The following LHFPL3 variants were observed in gnomAD, a reference collection of about 807,000 sequenced individuals.
LHFPL3 encodes LHFPL tetraspan subfamily member 3.
Under a neutral mutation model 19.3 loss-of-function variants are expected in LHFPL3, and 5 were observed. The ratio of observed to expected loss-of-function variants is 0.26; its 90% CI spans 0.14 to 0.54. The LOEUF (loss-of-function observed/expected upper bound fraction) is 0.54. LHFPL3 is among the 20% of genes least tolerant of loss of function. The probability of loss-of-function intolerance (pLI) is 0.94; values close to 1 mark genes in which losing one functional copy is unlikely to be tolerated. For missense variants in LHFPL3, 249 were observed against 307.4 expected, an observed-to-expected ratio of 0.81 and a Z score of 1.42; for synonymous variants, 133 against 126.2, an observed-to-expected ratio of 1.05 and a Z score of -0.36.
chr7:104,527,322 C>A (rs994219594), intron 1 of LHFPL3, among the ~76,000 whole-genome samples: 1 of 151,992 alleles, frequency 6.6e-6, no homozygotes, highest in Non-Finnish European at 1.5e-5. Context: ...TCTATAAGAT[C>A]GCCCAGGTTT....
intron 1 of LHFPL3, among the ~76,000 whole-genome samples, chr7:104,420,527 G>A (rs1463715517): frequency 6.6e-6 from 1 of 151,246 alleles, no homozygotes; most frequent in Non-Finnish European, 1.5e-5. Flanking sequence ...AGCTGTACGT[G>A]GTTACTGGTG....
chr7:104,763,191 C>T (rs1022413318), intron 2 of LHFPL3, among the ~76,000 whole-genome samples: 12 of 152,164 alleles, frequency 7.9e-5, no homozygotes, highest in Non-Finnish European at 1.5e-4. Context: ...GCACAAAAAT[C>T]GTGGAAAGAG....
At chr7:104,669,175 C>T (rs1186661238) in intron 1 of LHFPL3, 1 of 1,613,826 alleles carries the variant, frequency 6.2e-7, no homozygotes, top group Middle Eastern at 1.7e-4. Flanking sequence ...AGCCCCTCCA[C>T]CAAAGGAGAA....
rs921852071 is a variant in LHFPL3 at position 104,565,778 on chromosome 7, A to C, written c.446-170897A>C. 6.7e-5 allele frequency among the ~76,000 whole-genome samples: 10 copies of C among 149,076 alleles called. No homozygotes were observed. In the South Asian group the frequency reaches 2.1e-3, roughly 31 times the overall value. ...ATCTATCTATCTATCTATCTAATCT[A>C]TCTATCTGTCTAATCTATCTATCAT... On this transcript the variant is annotated intron_variant, in intron 1 of 2. Transcript: ENST00000424859.
chr7:104,787,716 A>G (rs1214146163), intron 2 of LHFPL3, among the ~76,000 whole-genome samples: 1 of 152,136 alleles, frequency 6.6e-6, no homozygotes, highest in East Asian at 1.9e-4. Flanking sequence ...ATACCTGGCT[A>G]TTTTTGTGTG....
At chr7:104,905,951 C>T (rs1287253643) in intron 2 of LHFPL3, among the ~76,000 whole-genome samples, 1 of 152,176 alleles carries the variant, frequency 6.6e-6, no homozygotes, top group Non-Finnish European at 1.5e-5. Flanking sequence ...AATCTTGACC[C>T]AGATGGAGGG....
intron 1 of LHFPL3, among the ~76,000 whole-genome samples, chr7:104,357,267 C>T (rs1049604787): frequency 6.6e-6 from 1 of 152,168 alleles, no homozygotes; most frequent in Non-Finnish European, 1.5e-5. Context: ...AGATTATTCT[C>T]AGAGCTAGAG....
At chr7:104,587,094 G>C (rs1190281361) in intron 1 of LHFPL3, among the ~76,000 whole-genome samples, 1 of 151,416 alleles carries the variant, frequency 6.6e-6, no homozygotes, top group Non-Finnish European at 1.5e-5. Flanking sequence ...CATTTAGCCT[G>C]TTTTTTTATA....
intron 1 of LHFPL3, among the ~76,000 whole-genome samples, chr7:104,561,565 C>G (rs952518712): frequency 6.6e-6 from 1 of 151,730 alleles, no homozygotes; most frequent in Non-Finnish European, 1.5e-5. Flanking sequence ...TTATTTTGAG[C>G]CTATGTGTGT....
At position 104,793,764 on chromosome 7, in the gene LHFPL3, T is replaced by C. The variant is rs76420526; in HGVS notation, c.682+56853T>C. Among the ~76,000 whole-genome samples, 248 of 152,310 alleles carry C rather than the reference T, an allele frequency of 1.6e-3. 1 individual carries two copies. Among genetic ancestry groups the C allele is most frequent in the African/African-American group, 5.5e-3 (228 of 41,554 alleles). On this transcript the variant is annotated intron_variant, in intron 2 of 2. Transcript: ENST00000424859. The stretch of plus-strand genomic sequence containing the variant: ...TTATGATGAAAATCTGATGTCAAAA[T>C]TGAATGTGGTTTTCCTTCCCAGTCT...
chr7:104,447,030 C>T lies in LHFPL3; in HGVS notation c.445+117806C>T, dbSNP rs113115034. The stretch of plus-strand genomic sequence containing the variant: ...ACATTCTTAACTTGCAGAGAATTTT[C>T]GGAAACACAGACGTGAAACAGTGTC... On this transcript the variant is annotated intron_variant, in intron 1 of 2. Coordinates refer to ENST00000424859, the MANE Select transcript of LHFPL3 (RefSeq NM_199000.3). Among the ~76,000 whole-genome samples the T allele has an allele frequency of 2.0e-3, 303 of 152,276 alleles. 3 individuals carry two copies. Among genetic ancestry groups the T allele is most frequent in the African/African-American group, 6.8e-3 (282 of 41,558 alleles).
At chr7:104,518,708 T>C (rs1793974005) in intron 1 of LHFPL3, among the ~76,000 whole-genome samples, 1 of 152,098 alleles carries the variant, frequency 6.6e-6, no homozygotes, top group Non-Finnish European at 1.5e-5. Flanking sequence ...CACTTGAACA[T>C]GGGAGGTGGA....
At chr7:104,867,133 T>C (rs1444065000) in intron 2 of LHFPL3, among the ~76,000 whole-genome samples, 1 of 152,134 alleles carries the variant, frequency 6.6e-6, no homozygotes, top group Non-Finnish European at 1.5e-5. Flanking sequence ...AGGAAAGATC[T>C]AAAATTGACA....
At chr7:104,725,977 G>A (rs1000619966) in intron 1 of LHFPL3, among the ~76,000 whole-genome samples, 148 of 145,916 alleles carry the variant, frequency 1.0e-3, no homozygotes, top group Non-Finnish European at 7.2e-4. Context: ...GCTTTAACCC[G>A]GGAGGTAGAG....
chr7:104,494,921 T>A (rs1793430489), intron 1 of LHFPL3, among the ~76,000 whole-genome samples: 1 of 152,156 alleles, frequency 6.6e-6, no homozygotes, highest in South Asian at 2.1e-4. Context: ...TCTTCTCATC[T>A]GGAACTCAGC....
At chr7:104,370,563 A>C (rs1790593277) in intron 1 of LHFPL3, among the ~76,000 whole-genome samples, 1 of 152,202 alleles carries the variant, frequency 6.6e-6, no homozygotes, top group South Asian at 2.1e-4. Context: ...GTGCACAGGT[A>C]GGTGCTACTA....
At chr7:104,802,258 G>A (rs2116478944) in intron 2 of LHFPL3, among the ~76,000 whole-genome samples, 1 of 152,162 alleles carries the variant, frequency 6.6e-6, no homozygotes, top group South Asian at 2.1e-4. Context: ...ACTTTGGGAG[G>A]GTGAGGTGGG....
At chr7:104,593,488 T>A (rs530965017) in intron 1 of LHFPL3, among the ~76,000 whole-genome samples, 2 of 152,300 alleles carry the variant, frequency 1.3e-5, no homozygotes, top group East Asian at 3.9e-4. Flanking sequence ...ATAAGTGTTG[T>A]GTGGTGCCGA....
intron 1 of LHFPL3, among the ~76,000 whole-genome samples, chr7:104,660,538 T>A (rs1447338919): frequency 6.6e-6 from 1 of 152,244 alleles, no homozygotes; most frequent in East Asian, 1.9e-4. Context: ...GAGTTACCTT[T>A]AGCAGAAGGT....
Sources: gnomAD v4.1 joint callset for allele counts (sites outside exome capture counted in the v4.1 genomes callset) on GRCh38, gnomAD v4.1.1 for gene constraint, MANE v1.5 for transcripts, NCBI Gene and HGNC (gene_info 2026-07-23, HGNC 2026-07-21) for gene names.